Variants in DGKB observed in about 807,000 individuals in gnomAD.
The protein encoded by DGKB is 90 kDa diacylglycerol kinase.
Under a neutral mutation model 114.3 loss-of-function variants are expected in DGKB, and 67 were observed. The observed-to-expected ratio is 0.59, with a 90% CI of 0.48 to 0.72. The LOEUF (loss-of-function observed/expected upper bound fraction) is 0.72. Among genes scored for constraint, DGKB ranks in the 30% least tolerant of loss-of-function variants. The pLI is 0.00. For synonymous variants in DGKB, 398 were observed against 323.1 expected, an observed-to-expected ratio of 1.23 and a Z score of -2.49; for missense variants, 907 against 975.2, an observed-to-expected ratio of 0.93 and a Z score of 0.93.
intron 21 of DGKB, among the ~76,000 whole-genome samples, chr7:14,454,573 T>A (rs1832006034): frequency 6.6e-6 from 1 of 152,098 alleles, no homozygotes; most frequent in African/African-American, 2.4e-5. Flanking sequence ...TGTGACACGA[T>A]CTTTGCATTA....
chr7:14,586,599 A>G (rs956997434), intron 17 of DGKB, among the ~76,000 whole-genome samples: 3 of 152,122 alleles, frequency 2.0e-5, no homozygotes, highest in Non-Finnish European at 4.4e-5. Flanking sequence ...TTTGATAGCT[A>G]CAAAGGAGAA....
chr7:14,779,703 A>G (rs1838779836), intron 2 of DGKB, among the ~76,000 whole-genome samples: 1 of 152,178 alleles, frequency 6.6e-6, no homozygotes, highest in South Asian at 2.1e-4. Flanking sequence ...ATATCTATTT[A>G]TTTCCTGCTA....
chr7:14,534,387 G>A (rs1792087069), intron 20 of DGKB, among the ~76,000 whole-genome samples: 1 of 151,870 alleles, frequency 6.6e-6, no homozygotes. Context: ...GAAGAGGAGG[G>A]GAACAATATA....
At chr7:14,972,219 T>C (rs1429364209) in intron 1 of DGKB, among the ~76,000 whole-genome samples, 1 of 152,158 alleles carries the variant, frequency 6.6e-6, no homozygotes, top group Non-Finnish European at 1.5e-5. Flanking sequence ...TGTATCATCA[T>C]ACTATAACAT....
At chr7:14,848,026 G>A (rs539150036) in intron 1 of DGKB, among the ~76,000 whole-genome samples, 1 of 152,302 alleles carries the variant, frequency 6.6e-6, no homozygotes, top group South Asian at 2.1e-4. Context: ...TTTGTCATAA[G>A]TAAATTATGA....
At chr7:14,720,481 G>A (rs1421727778) in intron 5 of DGKB, among the ~76,000 whole-genome samples, 11 of 47,150 alleles carry the variant, frequency 2.3e-4, no homozygotes, top group Admixed American at 9.0e-4. Context: ...ATTTGTGTGT[G>A]TGTGTGTGTG....
At chr7:14,627,136 T>C (rs943852371) in intron 14 of DGKB, among the ~76,000 whole-genome samples, 22 of 152,244 alleles carry the variant, frequency 1.4e-4, no homozygotes, top group Non-Finnish European at 1.9e-4. Context: ...ACAGGTATAC[T>C]GCTTGGTCAT....
intron 20 of DGKB, among the ~76,000 whole-genome samples, chr7:14,562,709 C>T (rs1051375899): frequency 6.6e-6 from 1 of 152,060 alleles, no homozygotes; most frequent in Non-Finnish European, 1.5e-5. Flanking sequence ...GTGTATTTAC[C>T]CAATGTCTGT....
chr7:14,804,568 T>C (rs1190946948), intron 2 of DGKB, among the ~76,000 whole-genome samples: 1 of 152,100 alleles, frequency 6.6e-6, no homozygotes, highest in African/African-American at 2.4e-5. Flanking sequence ...CCTCTTTCAA[T>C]TCTAGACAAT....
At chr7:14,570,229 T>C (rs971505425) in intron 20 of DGKB, among the ~76,000 whole-genome samples, 1 of 152,046 alleles carries the variant, frequency 6.6e-6, no homozygotes, top group Non-Finnish European at 1.5e-5. Flanking sequence ...CTGATTAACT[T>C]TTCTCAATAA....
intron 23 of DGKB, among the ~76,000 whole-genome samples, chr7:14,192,522 G>C (rs1009099690): frequency 6.6e-6 from 1 of 151,848 alleles, no homozygotes; most frequent in Non-Finnish European, 1.5e-5. Flanking sequence ...TTTTTAAATG[G>C]TCATAGTACC....
chr7:14,213,511 G>GA, intron 23 of DGKB, among the ~76,000 whole-genome samples: 1 of 152,224 alleles, frequency 6.6e-6, no homozygotes, highest in South Asian at 2.1e-4. Flanking sequence ...AACAGCCTTG[G>GA]AAAACAACAT....
intron 12 of DGKB, among the ~76,000 whole-genome samples, chr7:14,674,757 T>C (rs989372808): frequency 1.3e-5 from 2 of 152,068 alleles, no homozygotes; most frequent in Non-Finnish European, 2.9e-5. Context: ...ATCTGAGTGA[T>C]GCACTACAAG....
At chr7:14,541,980 C>G (rs1419693862) in intron 20 of DGKB, among the ~76,000 whole-genome samples, 1 of 152,100 alleles carries the variant, frequency 6.6e-6, no homozygotes, top group Non-Finnish European at 1.5e-5. Flanking sequence ...TGTGATTGTG[C>G]TAGACTCCAT....
intron 5 of DGKB, among the ~76,000 whole-genome samples, chr7:14,729,123 C>CTTTCTTTTTTTTTTTCTTT (rs1463141725): frequency 8.8e-6 from 1 of 113,420 alleles, no homozygotes; most frequent in African/African-American, 3.6e-5. Flanking sequence ...CATTTTCTTT[C>CTTTCTTTTTTTTTTTCTTT]TTTTTTTTTT....
At chr7:14,782,964 C>T (rs1036398847) in intron 2 of DGKB, among the ~76,000 whole-genome samples, 5 of 152,216 alleles carry the variant, frequency 3.3e-5, no homozygotes, top group African/African-American at 1.2e-4. Flanking sequence ...TCCCAAGTCA[C>T]TGGGATTACA....
chr7:14,498,907 G>A (rs996671389), intron 20 of DGKB, among the ~76,000 whole-genome samples: 3 of 151,658 alleles, frequency 2.0e-5, no homozygotes, highest in Non-Finnish European at 3.0e-5. Context: ...TTGGAGATGG[G>A]CTGGAAACTG....
At chr7:14,279,719 T>C (rs987849104) in intron 23 of DGKB, among the ~76,000 whole-genome samples, 4 of 151,822 alleles carry the variant, frequency 2.6e-5, no homozygotes, top group Non-Finnish European at 5.9e-5. Flanking sequence ...CCGAGCAGCC[T>C]AACTGGGAGG....
chr7:14,271,087 G>A (rs545758525), intron 23 of DGKB, among the ~76,000 whole-genome samples: 7 of 152,164 alleles, frequency 4.6e-5, no homozygotes, highest in Non-Finnish European at 8.8e-5. Context: ...GCTGTCTTAT[G>A]AGTAAATAAT....
Sources: gnomAD v4.1 joint callset for allele counts (sites outside exome capture counted in the v4.1 genomes callset) on GRCh38, gnomAD v4.1.1 for gene constraint, MANE v1.5 for transcripts, NCBI Gene and HGNC (gene_info 2026-07-23, HGNC 2026-07-21) for gene names.